Variants in ARHGAP8 observed in about 807,000 individuals in gnomAD.
The protein encoded by ARHGAP8 is Rho GTPase activating protein 8.
In ARHGAP8, 62 loss-of-function variants were observed where a neutral mutation model predicts 46.1. That is an observed-to-expected ratio of 1.34 (90% CI 1.10 to 1.66). The LOEUF is 1.66. ARHGAP8 is among the 40% of genes most tolerant of loss of function. The pLI, the probability that ARHGAP8 is intolerant of heterozygous loss-of-function variation, is 0.00. For synonymous variants in ARHGAP8, 375 were observed against 243.1 expected, an observed-to-expected ratio of 1.54 and a Z score of -5.05; for missense variants, 923 against 568.4, an observed-to-expected ratio of 1.62 and a Z score of -6.34.
At chr22:44,852,183 CTT>C (rs1394906629) in intron 10 of ARHGAP8, among the ~76,000 whole-genome samples, 1 of 77,862 alleles carries the variant, frequency 1.3e-5, no homozygotes, top group Non-Finnish European at 2.2e-5. Context: ...CAGAGTGAGA[CTT>C]TGTCAAAAAA....
intron 2 of ARHGAP8, among the ~76,000 whole-genome samples, chr22:44,791,444 C>G (rs558258936): frequency 1.3e-5 from 2 of 152,274 alleles, no homozygotes; most frequent in African/African-American, 4.8e-5. Context: ...TGGCTCGTGC[C>G]TGTAATCCCA....
At chr22:44,833,723 ACCATATTAGAG>A (rs1206919429) in intron 7 of ARHGAP8, among the ~76,000 whole-genome samples, 2 of 152,066 alleles carry the variant, frequency 1.3e-5, no homozygotes, top group Non-Finnish European at 2.9e-5. Context: ...AAGAATTTGT[ACCATATTAGAG>A]TTAATTTGTT....
In ARHGAP8 at chr22:44,862,623, C is replaced by G; in HGVS notation, c.*28C>G. 6.5e-7 allele frequency: 1 copy of G among 1,529,518 alleles called. No homozygotes were observed. Among genetic ancestry groups the G allele is most frequent in the South Asian group, 1.3e-5 (1 of 79,396 alleles). The allele number at this position is 1,529,518 out of a possible 1,614,324, so 94.7% of individuals were successfully genotyped here. ...TTGCGAACACTCTGTATATTTCGAG[C>G]TACCTCCCACACCTGTCTGTGCACT... On this transcript the variant is annotated 3_prime_UTR_variant, in exon 12 of 12. Coordinates refer to ENST00000356099, the MANE Select transcript of ARHGAP8 (RefSeq NM_181335.3).
At chr22:44,784,877 C>A (rs1488690111) in intron 1 of ARHGAP8, among the ~76,000 whole-genome samples, 1 of 152,188 alleles carries the variant, frequency 6.6e-6, no homozygotes, top group African/African-American at 2.4e-5. Flanking sequence ...TGTTGACTGA[C>A]TGGAAGGAGG....
chr22:44,862,315 A>AC lies in ARHGAP8; in HGVS notation c.1024dup (p.Leu342ProfsTer30). 6.2e-7 allele frequency: 1 copy of AC among 1,613,396 alleles called. No individual in the cohort carries two copies. Among genetic ancestry groups the AC allele is most frequent in the Non-Finnish European group, 8.5e-7 (1 of 1,179,594 alleles). On this transcript the variant is annotated frameshift_variant, in exon 12 of 12. Transcript: ENST00000356099. LOFTEE classifies it low-confidence loss of function (END_TRUNC). ...ATCTTCAACAAAATGAACAGCTCTA[A>AC]CCTGGCCTGTGTCTTCGGGCTGAAT...
chr22:44,774,078 A>G (rs953356306), intron 1 of ARHGAP8, among the ~76,000 whole-genome samples: 1 of 152,212 alleles, frequency 6.6e-6, no homozygotes, highest in African/African-American at 2.4e-5. Flanking sequence ...ACGGGTTGAG[A>G]CAGGTGCCAA....
chr22:44,778,508 TG>T (rs1198155746), intron 1 of ARHGAP8, among the ~76,000 whole-genome samples: 1 of 152,226 alleles, frequency 6.6e-6, no homozygotes, highest in Admixed American at 6.5e-5. Context: ...GGATCTTTTT[TG>T]TATAATGACT....
chr22:44,809,766 C>A (rs1457136893), intron 4 of ARHGAP8: 2 of 152,758 alleles, frequency 1.3e-5, no homozygotes, highest in Non-Finnish European at 2.9e-5. Flanking sequence ...TCCTAGATTC[C>A]TCTGGGTTTT....
chr22:44,814,381 C>T (rs966262857), intron 4 of ARHGAP8, among the ~76,000 whole-genome samples: 1 of 152,154 alleles, frequency 6.6e-6, no homozygotes, highest in Non-Finnish European at 1.5e-5. Flanking sequence ...CCAGGATGTG[C>T]TCCAGCCACC....
chr22:44,836,109 G>C (rs557684903), intron 7 of ARHGAP8, among the ~76,000 whole-genome samples: 7 of 152,240 alleles, frequency 4.6e-5, no homozygotes, highest in South Asian at 2.1e-4. Context: ...CTGCAAAGAG[G>C]GGCAGCCCTG....
intron 2 of ARHGAP8, among the ~76,000 whole-genome samples, chr22:44,788,816 A>G (rs1266636714): frequency 6.6e-6 from 1 of 152,180 alleles, no homozygotes; most frequent in Non-Finnish European, 1.5e-5. Context: ...CTTAATAATA[A>G]CCTTAGGAAT....
chr22:44,851,378 A>G (rs949751473), intron 10 of ARHGAP8, among the ~76,000 whole-genome samples: 3 of 151,618 alleles, frequency 2.0e-5, no homozygotes, highest in African/African-American at 7.3e-5. Flanking sequence ...TTTACATGAC[A>G]CAGGAGCCTT....
intron 7 of ARHGAP8, among the ~76,000 whole-genome samples, chr22:44,839,914 G>T (rs1036036980): frequency 3.3e-5 from 5 of 152,240 alleles, no homozygotes; most frequent in African/African-American, 1.2e-4. Flanking sequence ...CAGAGGGCAC[G>T]TGGTGGTGTC....
intron 1 of ARHGAP8, among the ~76,000 whole-genome samples, chr22:44,780,724 C>T (rs577570788): frequency 1.3e-5 from 2 of 152,156 alleles, no homozygotes; most frequent in Admixed American, 1.3e-4. Context: ...CAGGCCCTGC[C>T]CTCACCCCCA....
chr22:44,757,948 C>A (rs2146984744), intron 1 of ARHGAP8, among the ~76,000 whole-genome samples: 1 of 152,260 alleles, frequency 6.6e-6, no homozygotes, highest in South Asian at 2.1e-4. Flanking sequence ...ACCCACCGCC[C>A]CCAGGCTGTG....
intron 1 of ARHGAP8, among the ~76,000 whole-genome samples, chr22:44,753,605 A>T (rs1924426995): frequency 8.5e-6 from 1 of 117,184 alleles, no homozygotes; most frequent in South Asian, 3.3e-4. Flanking sequence ...ACTTTCCCTC[A>T]ATCCTGTGGG....
intron 2 of ARHGAP8, among the ~76,000 whole-genome samples, chr22:44,790,548 T>TGC (rs1927587166): frequency 6.6e-6 from 1 of 151,462 alleles, no homozygotes; most frequent in South Asian, 2.1e-4. Context: ...TGGTGGCACA[T>TGC]ATCTGTAATC....
chr22:44,801,822 G>C (rs1928574414), intron 2 of ARHGAP8: 7 of 531,866 alleles, frequency 1.3e-5, no homozygotes, highest in Non-Finnish European at 6.8e-6. Context: ...ACTTAACCCT[G>C]CTGGGCCTCG....
At chr22:44,802,985 CCTGCTGCTGCTG>C (rs5845671) in intron 3 of ARHGAP8, among the ~76,000 whole-genome samples, 1 of 151,258 alleles carries the variant, frequency 6.6e-6, no homozygotes, top group African/African-American at 2.4e-5. Flanking sequence ...AAGACAAGGG[CCTGCTGCTGCTG>C]CTGCTGCTGC....
Sources: gnomAD v4.1 joint callset for allele counts (sites outside exome capture counted in the v4.1 genomes callset) on GRCh38, gnomAD v4.1.1 for gene constraint, MANE v1.5 for transcripts, NCBI Gene and HGNC (gene_info 2026-07-23, HGNC 2026-07-21) for gene names.